RGPD4: variants seen among roughly 807,000 people sequenced by gnomAD.
RGPD4 encodes the protein ranBP2-like and GRIP domain-containing protein 4.
A neutral mutation model predicts 141.1 loss-of-function variants in RGPD4; 84 were observed. The ratio of observed to expected loss-of-function variants is 0.60; its 90% CI spans 0.50 to 0.71. The LOEUF (loss-of-function observed/expected upper bound fraction) is 0.71. RGPD4 is among the 30% of genes least tolerant of loss of function. The pLI is 0.00. For missense variants in RGPD4, 918 were observed against 1,622.4 expected (o/e 0.57, Z 7.46); for synonymous variants, 298 against 566.8 (o/e 0.53, Z 6.74).
rs1682463838 is a variant in RGPD4, at chr2:107,859,565, A to T, written c.1634+11A>T. ...TCACAGAAAAGCAGTGTAAGTAGTA[A>T]AACAAAAATATTGCTTTCACTTAGT... On this transcript the variant is annotated intron_variant, in intron 11 of 22. Transcript: ENST00000408999. 3 of 1,611,594 alleles carry T rather than the reference A, an allele frequency of 1.9e-6. No homozygotes were observed. Among genetic ancestry groups the T allele is most frequent in the Middle Eastern group, 2.3e-4 (1 of 4,428 alleles).
intron 1 of RGPD4, among the ~76,000 whole-genome samples, chr2:107,835,026 G>A (rs1275857518): frequency 8.5e-5 from 1 of 11,812 alleles, no homozygotes; most frequent in Admixed American, 6.9e-4. Context: ...TTGAGTAGCT[G>A]TATACTCTGT....
At chr2:107,881,208 A>T (rs1675352937) in intron 21 of RGPD4, among the ~76,000 whole-genome samples, 1 of 150,676 alleles carries the variant, frequency 6.6e-6, no homozygotes, top group South Asian at 2.1e-4. Context: ...CCACCATTAA[A>T]TACTTCAGTA....
chr2:107,849,428 A>G (rs1573484392), intron 7 of RGPD4, among the ~76,000 whole-genome samples: 2 of 123,314 alleles, frequency 1.6e-5, no homozygotes, highest in Admixed American at 8.9e-5. Flanking sequence ...GTGCAGTGGC[A>G]CGATCTCGGC....
At position 107,871,291 on chromosome 2, in the gene RGPD4, C is replaced by T. The variant is rs4012382; in HGVS notation, c.3287C>T (p.Pro1096Leu). ...KILKNEVNGK[P>L]RMLMRREQVL... ...CTCAAAAACGAGGTCAATGGCAAAC[C>T]AAGAATGCTGATGCGAAGAGAACAA... The change falls in exon 20 of 23, where the codon CCA becomes CTA. Residue 1096 changes from proline to leucine, a missense_variant. Pro to Leu is a moderately conservative substitution (Grantham distance 98, BLOSUM62 -3). Transcript: ENST00000408999. The T allele has an allele frequency of 1.8e-5, 29 of 1,606,940 alleles. No individual in the cohort carries two copies. The highest frequency in any genetic ancestry group is 9.9e-5 in the South Asian group (9 of 90,642).
In RGPD4 at chr2:107,872,593, C is replaced by T. The variant is rs777575922; in HGVS notation, c.4589C>T (p.Thr1530Ile). The change falls in exon 20 of 23, where the codon ACA becomes ATA. Residue 1530 changes from threonine to isoleucine, a missense_variant. Physicochemically the swap from Thr to Ile is moderately conservative, Grantham distance 89. Coordinates refer to ENST00000408999, the MANE Select transcript of RGPD4 (RefSeq NM_182588.3). ...GTGTCTAGCACATCTGAAACAACAACAAAAGCAGTGGTTTCTCCTCCAAAG... is the reference window on the plus strand; with the variant it reads ...GTGTCTAGCACATCTGAAACAACAATAAAAGCAGTGGTTTCTCCTCCAAAG... Reference protein sequence around the residue: ...VEVSSTSETTTKAVVSPPKFV... With the variant: ...VEVSSTSETTIKAVVSPPKFV... 6.3e-7 allele frequency: 1 copy of T among 1,596,508 alleles called. No homozygotes were observed. Among genetic ancestry groups the T allele is most frequent in the Non-Finnish European group, 8.5e-7 (1 of 1,173,836 alleles).
At chr2:107,844,930 G>A (rs1309172761) in intron 6 of RGPD4, among the ~76,000 whole-genome samples, 1 of 129,318 alleles carries the variant, frequency 7.7e-6, no homozygotes, top group Non-Finnish European at 1.6e-5. Context: ...CTGCCTCCCG[G>A]GTTCAGGCGA....
chr2:107,877,884 G>A (rs1265256552), intron 20 of RGPD4, among the ~76,000 whole-genome samples: 1 of 151,704 alleles, frequency 6.6e-6, no homozygotes, highest in Non-Finnish European at 1.5e-5. Flanking sequence ...CGTGATCTTG[G>A]CTCACTACAA....
intron 21 of RGPD4, among the ~76,000 whole-genome samples, chr2:107,881,001 A>G (rs1433282357): frequency 4.0e-5 from 6 of 151,798 alleles, no homozygotes; most frequent in Non-Finnish European, 5.9e-5. Context: ...ATCACTGGTT[A>G]AGAGAAAAAT....
At chr2:107,884,374 A>G (rs1355559741) in intron 22 of RGPD4, among the ~76,000 whole-genome samples, 3 of 152,242 alleles carry the variant, frequency 2.0e-5, no homozygotes, top group Admixed American at 6.5e-5. Context: ...TGCTGGGATT[A>G]CAGGTGTGAG....
intron 1 of RGPD4, 46 bp downstream of exon 1, chr2:107,827,131 G>C (rs766170516): frequency 1.2e-5 from 7 of 584,246 alleles, no homozygotes; most frequent in Non-Finnish European, 1.6e-5. Context: ...TGGCCGGGCG[G>C]CGGAGGCCTC....
In RGPD4 at chr2:107,857,966, G is replaced by T. The variant is rs569173981; in HGVS notation, c.1276+997G>T. 5.5e-3 allele frequency among the ~76,000 whole-genome samples: 839 copies of T among 152,172 alleles called. 23 individuals are homozygous for T. Among genetic ancestry groups the T allele is most frequent in the African/African-American group, 0.02 (809 of 41,408 alleles). On this transcript the variant is annotated intron_variant, in intron 9 of 22. Coordinates refer to ENST00000408999, the MANE Select transcript of RGPD4 (RefSeq NM_182588.3). The stretch of plus-strand genomic sequence containing the variant: ...ATGACACTGCTGCACTACAGCCTGG[G>T]CGACAGAGCGAGACTTCGTCTCAAA...
rs1196985443 is a variant in RGPD4 at position 107,834,456 on chromosome 2, A to G, written c.73-2146A>G. 4.3e-4 allele frequency among the ~76,000 whole-genome samples: 66 copies of G among 152,174 alleles called. 1 individual carries two copies. Among genetic ancestry groups the G allele is most frequent in the South Asian group, 2.1e-4 (1 of 4,820 alleles). On this transcript the variant is annotated intron_variant, in intron 1 of 22. Coordinates refer to ENST00000408999, the MANE Select transcript of RGPD4 (RefSeq NM_182588.3). Reference sequence around the variant, plus strand: ...CTGAATAACATGATAAAAATCTCACAGCCTCCTGCTCCGTCCTACCCAGGA... The same window carrying G: ...CTGAATAACATGATAAAAATCTCACGGCCTCCTGCTCCGTCCTACCCAGGA...
chr2:107,849,352 C>T (rs1284310336), intron 7 of RGPD4, among the ~76,000 whole-genome samples: 3 of 70,614 alleles, frequency 4.2e-5, no homozygotes, highest in African/African-American at 6.6e-5. Context: ...CTGCGCCTGG[C>T]GCGCCTGGCC....
intron 22 of RGPD4, among the ~76,000 whole-genome samples, chr2:107,884,475 G>C (rs1675456550): frequency 2.0e-5 from 3 of 148,860 alleles, no homozygotes; most frequent in Non-Finnish European, 4.5e-5. Flanking sequence ...ATTGAAGAAA[G>C]TGGTCATTTA....
chr2:107,828,720 G>A (rs1681339531), intron 1 of RGPD4, among the ~76,000 whole-genome samples: 1 of 33,128 alleles, frequency 3.0e-5, no homozygotes, highest in Non-Finnish European at 6.5e-5. Context: ...CTGGCCGGGC[G>A]GCGGCGGCCT....
chr2:107,883,724 TG>T (rs983141581), intron 22 of RGPD4, among the ~76,000 whole-genome samples: 1 of 150,876 alleles, frequency 6.6e-6, no homozygotes, highest in Admixed American at 6.6e-5. Flanking sequence ...TTCTTTGAAA[TG>T]CTTCATATAC....
intron 22 of RGPD4, among the ~76,000 whole-genome samples, chr2:107,888,077 T>C (rs1478820841): frequency 7.3e-6 from 1 of 136,912 alleles, no homozygotes; most frequent in Non-Finnish European, 1.6e-5. Context: ...TTATAGGCTT[T>C]TTGATCATCT....
At position 107,871,734 on chromosome 2, in the gene RGPD4, G is replaced by A; in HGVS notation, c.3730G>A (p.Gly1244Arg). The A allele has an allele frequency of 6.2e-7, 1 of 1,610,998 alleles. No individual in the cohort carries two copies. Among genetic ancestry groups the A allele is most frequent in the South Asian group, 1.1e-5 (1 of 90,960 alleles). Reference sequence around the variant, plus strand: ...AATAAAACCCAATCCTGAAAACACTGGGCCCACATTAGAATGGGATAACTG... The same window carrying A: ...AATAAAACCCAATCCTGAAAACACTAGGCCCACATTAGAATGGGATAACTG... Reference protein sequence around the residue: ...TTIKPNPENTGPTLEWDNCDL... With the variant: ...TTIKPNPENTRPTLEWDNCDL... Residue 1244 changes from glycine to arginine, a missense_variant, in exon 20 of 23, where the codon GGG becomes AGG. Transcript: ENST00000408999.
chr2:107,887,517 T>C (rs1434922402), intron 22 of RGPD4, among the ~76,000 whole-genome samples: 1 of 151,048 alleles, frequency 6.6e-6, no homozygotes, highest in African/African-American at 2.4e-5. Flanking sequence ...GTAAAGTAGG[T>C]TACCCAACTC....
Sources: gnomAD v4.1 joint callset for allele counts (sites outside exome capture counted in the v4.1 genomes callset) on GRCh38, gnomAD v4.1.1 for gene constraint, MANE v1.5 for transcripts, NCBI Gene and HGNC (gene_info 2026-07-23, HGNC 2026-07-21) for gene names.